The following CDAN1 variants were observed in gnomAD, a reference collection of about 807,000 sequenced individuals.
CDAN1 encodes codanin-1.
Under a neutral mutation model 139.8 loss-of-function variants are expected in CDAN1, and 107 were observed. The observed-to-expected ratio is 0.77, with a 90% CI of 0.65 to 0.90. The LOEUF (loss-of-function observed/expected upper bound fraction) is 0.90, where lower values mean the gene tolerates loss of function less well. CDAN1 is among the 40% of genes least tolerant of loss of function. CDAN1 has a pLI of 0.00. For synonymous variants in CDAN1, 776 were observed against 660.6 expected, an observed-to-expected ratio of 1.17 and a Z score of -2.68; for missense variants, 1,667 against 1,575.7, an observed-to-expected ratio of 1.06 and a Z score of -0.98.
At position 42,729,429 on chromosome 15, in the gene CDAN1, A is replaced by G. The variant is rs2061579540; in HGVS notation, c.2408-67T>C. 1.2e-5 allele frequency: 20 copies of G among 1,608,740 alleles called. No homozygotes were observed. In the South Asian group the frequency reaches 2.0e-4, roughly 16 times the overall value. On this transcript the variant is annotated intron_variant, in intron 17 of 27. Transcript: ENST00000356231. ...CCCCTCCCTAAGTATCATGGACTTT[A>G]CTTGTGGAGTCAAGAGGCTCAGATA...
chr15:42,730,796 G>C (rs750598132), intron 13 of CDAN1, 32 bp from the exon 14 acceptor site: 1 of 1,612,772 alleles, frequency 6.2e-7, no homozygotes, highest in Non-Finnish European at 8.5e-7. Flanking sequence ...CAGGGGGCAG[G>C]TCCCTAGGAA....
intron 6 of CDAN1, 124 bp downstream of exon 6, chr15:42,734,976 T>C: frequency 4.1e-6 from 3 of 735,702 alleles, no homozygotes; most frequent in Non-Finnish European, 7.4e-6. Context: ...TAAAGAAAGA[T>C]TATAGGTAGG....
chr15:42,736,666 G>GC lies in CDAN1; in HGVS notation c.204dup (p.Pro69AlafsTer25). 6.5e-7 allele frequency: 1 copy of GC among 1,542,534 alleles called. No individual in the cohort carries two copies. Among genetic ancestry groups the GC allele is most frequent in the East Asian group, 2.5e-5 (1 of 39,392 alleles). Reference sequence around the variant, plus strand: ...CCCGGGGTCTTGGCGGGGGTCGGGGGCCCCTGCGGGAGGACGCGGCTGCTC... The same window carrying GC: ...CCCGGGGTCTTGGCGGGGGTCGGGGGCCCCCTGCGGGAGGACGCGGCTGCTC... On this transcript the variant is annotated frameshift_variant, in exon 2 of 28. Coordinates refer to ENST00000356231, the MANE Select transcript of CDAN1 (RefSeq NM_138477.4). LOFTEE classifies it high-confidence loss of function.
Position 42,735,859 on chromosome 15 carries a change from A to G in CDAN1, c.773+16T>C. ...CAGCGAGGAAACCGATATCCCCAGG[A>G]GCGGCCAGGCCATACCGCTCCTTCC... is the stretch of plus-strand genomic sequence containing the variant. On this transcript the variant is annotated intron_variant, in intron 3 of 27. Transcript: ENST00000356231. The G allele has an allele frequency of 6.2e-7, 1 of 1,613,808 alleles. No individual in the cohort carries two copies. The highest frequency in any genetic ancestry group is 8.5e-7 in the Non-Finnish European group (1 of 1,179,810).
intron 10 of CDAN1, among the ~76,000 whole-genome samples, chr15:42,732,124 A>T (rs1346379863): frequency 6.6e-6 from 1 of 152,194 alleles, no homozygotes; most frequent in Non-Finnish European, 1.5e-5. Flanking sequence ...AGGCTAGAGG[A>T]GCTGCAGGGC....
intron 21 of CDAN1, 55 bp downstream of exon 21, chr15:42,728,149 G>C (rs377606247): frequency 6.3e-7 from 1 of 1,599,704 alleles, no homozygotes; most frequent in Non-Finnish European, 8.6e-7. Flanking sequence ...AGACTACTCC[G>C]TGCACCTCCC....
At chr15:42,736,160 G>T in intron 2 of CDAN1, 82 bp from the exon 3 acceptor site, 1 of 1,572,616 alleles carries the variant, frequency 6.4e-7, no homozygotes, top group Non-Finnish European at 8.7e-7. Context: ...TAGACCTCTT[G>T]CCAAAAAACC....
In CDAN1 at chr15:42,735,274, A is replaced by T. The variant is rs1459242664; in HGVS notation, c.1044T>A (p.Ser348Arg). The T allele has an allele frequency of 6.2e-7, 1 of 1,608,324 alleles. No homozygotes were observed. Residue 348 changes from serine to arginine, a missense_variant, in exon 5 of 28, where the codon AGT becomes AGA. Physicochemically the swap from Ser to Arg is moderately radical, Grantham distance 110. Around this residue, in one of 3 missense-constraint regions of CDAN1, gnomAD observed 244 missense variants for 309.4 expected, o/e 0.79. Transcript: ENST00000356231. Reference sequence around the variant, plus strand: ...TTGCTCACTGACCTAGGACAGCTGGACTTAGTTCAGGGTCGCTGTCCTTGG... The same window carrying T: ...TTGCTCACTGACCTAGGACAGCTGGTCTTAGTTCAGGGTCGCTGTCCTTGG... ...VTAKDSDPEL[S>R]PAVLDSLESP...
Position 42,724,337 on chromosome 15 carries a change from G to C in CDAN1, c.*154C>G. The C allele has an allele frequency of 1.0e-6, 1 of 998,034 alleles. No homozygotes were observed. Among genetic ancestry groups the C allele is most frequent in the Non-Finnish European group, 1.5e-6 (1 of 666,730 alleles). 61.8% of individuals were successfully genotyped at this position (998,034 alleles called of 1,614,324 possible). The stretch of plus-strand genomic sequence containing the variant: ...CCTTCCTCTAGGATTCGCGTGGTGG[G>C]ATGCCAGGCAGTGACACCCTTAGAG... On this transcript the variant is annotated 3_prime_UTR_variant, in exon 28 of 28. Transcript: ENST00000356231.
Position 42,735,290 on chromosome 15 carries a change from C to T in CDAN1, c.1028G>A (p.Ser343Asn). Residue 343 changes from serine to asparagine, a missense_variant, in exon 5 of 28, where the codon AGC (serine) becomes AAC (asparagine). Around this residue, in one of 3 missense-constraint regions of CDAN1, gnomAD observed 244 missense variants for 309.4 expected, o/e 0.79. Coordinates refer to ENST00000356231, the MANE Select transcript of CDAN1 (RefSeq NM_138477.4). The stretch of plus-strand genomic sequence containing the variant: ...GACAGCTGGACTTAGTTCAGGGTCG[C>T]TGTCCTTGGCAGTCACCATCCTCCG... ...TARRMVTAKD[S>N]DPELSPAVLD... is the part of the protein sequence containing the mutation. The T allele has an allele frequency of 1.9e-6, 3 of 1,609,612 alleles. No homozygotes were observed. Among genetic ancestry groups the T allele is most frequent in the African/African-American group, 1.3e-5 (1 of 74,988 alleles).
chr15:42,732,328 G>A lies in CDAN1; in HGVS notation c.1533+5C>T. Reference sequence around the variant, plus strand: ...TGTGGATTAATCTCTTGCTGGGGCTGTTACCTGGAGTAGTTGTTTTTGGAA... The same window carrying A: ...TGTGGATTAATCTCTTGCTGGGGCTATTACCTGGAGTAGTTGTTTTTGGAA... On this transcript the variant is annotated splice_donor_5th_base_variant and intron_variant, in intron 10 of 27. Transcript: ENST00000356231. The A allele has an allele frequency of 3.7e-6, 6 of 1,613,594 alleles. No homozygotes were observed. The Admixed American group carries it at 5.0e-5, about 13-fold the overall frequency.
rs775547318 is a variant in CDAN1 at position 42,735,523 on chromosome 15, G to C, written c.930C>G (p.Ser310=). 1 of 1,614,102 alleles carries C rather than the reference G, an allele frequency of 6.2e-7. No individual in the cohort carries two copies. Among genetic ancestry groups the C allele is most frequent in the East Asian group, 2.2e-5 (1 of 44,898 alleles). ...QRLELVALVY[S]SCIAENLVPN... The stretch of plus-strand genomic sequence containing the variant: ...GCTCTCACTCACCAGCAATGCACGA[G>C]GAGTAAACAAGGGCTACAAGCTCCA... The change falls in exon 4 of 28, where the codon TCC becomes TCG. Residue 310 remains serine (S), a synonymous_variant. Transcript: ENST00000356231.
chr15:42,726,476 T>G, intron 23 of CDAN1, 59 bp from the exon 24 acceptor site: 1 of 1,403,308 alleles, frequency 7.1e-7, no homozygotes, highest in Non-Finnish European at 9.9e-7. Context: ...CACAGAGAAT[T>G]TGGCTTGGGA....
rs765714878 is a variant in CDAN1 at position 42,729,573 on chromosome 15, T to A, written c.2402A>T (p.Tyr801Phe). ...DQQLLYTCCPYIGELRKLLAS... is the reference protein window; with the variant it reads ...DQQLLYTCCPFIGELRKLLAS... Reference sequence around the variant, plus strand: ...CAGGGAAGACCGGTGCTCACCGATGTAGGGGCAGCAGGTGTAGAGCAGCTG... The same window carrying A: ...CAGGGAAGACCGGTGCTCACCGATGAAGGGGCAGCAGGTGTAGAGCAGCTG... The change falls in exon 17 of 28, where the codon TAC becomes TTC. Residue 801 changes from tyrosine (Y) to phenylalanine (F), a missense_variant. Transcript: ENST00000356231. 6.2e-7 allele frequency: 1 copy of A among 1,614,018 alleles called. No homozygotes were observed. Among genetic ancestry groups the A allele is most frequent in the South Asian group, 1.1e-5 (1 of 91,082 alleles).
At position 42,736,426 on chromosome 15, in the gene CDAN1, C is replaced by T. The variant is rs1191077786; in HGVS notation, c.445G>A (p.Gly149Arg). Residue 149 changes from glycine to arginine, a missense_variant, in exon 2 of 28, where the codon GGG becomes AGG. This residue lies in a region of CDAN1 where 487 missense variants were observed against 422.2 expected (regional missense o/e 1.15). Transcript: ENST00000356231. ...CCAGAGCCCCTAAGCCTCCGGCCCCCGGCTCCGGGCAGGCTCTCCCCGCTG... is the reference window on the plus strand; with the variant it reads ...CCAGAGCCCCTAAGCCTCCGGCCCCTGGCTCCGGGCAGGCTCTCCCCGCTG... ...GVSGESLPGA[G>R]GRRLRGSGSP... The T allele has an allele frequency of 2.5e-6, 4 of 1,601,226 alleles. No individual in the cohort carries two copies. Among genetic ancestry groups the T allele is most frequent in the South Asian group, 2.2e-5 (2 of 90,096 alleles).
chr15:42,726,281 G>GC (rs780892720), intron 24 of CDAN1, 29 bp downstream of exon 24: 13 of 1,588,152 alleles, frequency 8.2e-6, no homozygotes, highest in South Asian at 3.4e-5. Context: ...ACAGAAAAAA[G>GC]CCCCCCGGTG....
At position 42,731,087 on chromosome 15, in the gene CDAN1, G is replaced by A. The variant is rs1321712601; in HGVS notation, c.1861-16C>T. 1 of 1,614,186 alleles carries A rather than the reference G, an allele frequency of 6.2e-7. No homozygotes were observed. On this transcript the variant is annotated splice_polypyrimidine_tract_variant and intron_variant, in intron 12 of 27. Coordinates refer to ENST00000356231, the MANE Select transcript of CDAN1 (RefSeq NM_138477.4). ...TCCGCTCACCCTGCATGGAATCAAGGGAAGTAAAAGGTCCAAGCATGAGGC... is the reference window on the plus strand; with the variant it reads ...TCCGCTCACCCTGCATGGAATCAAGAGAAGTAAAAGGTCCAAGCATGAGGC...
In CDAN1 at chr15:42,729,058, T is replaced by C; in HGVS notation, c.2610A>G (p.Ala870=). Residue 870 remains alanine (A), a synonymous_variant, in exon 19 of 28, where the codon GCA becomes GCG. Coordinates refer to ENST00000356231, the MANE Select transcript of CDAN1 (RefSeq NM_138477.4). ...PSLRRTVEFV[A]ERIGSNCVKH... Reference sequence around the variant, plus strand: ...TGACACAGTTTGATCCAATTCTTTCTGCCACGAACTCTACGGTCCGGCGCA... The same window carrying C: ...TGACACAGTTTGATCCAATTCTTTCCGCCACGAACTCTACGGTCCGGCGCA... The C allele has an allele frequency of 6.2e-7, 1 of 1,614,234 alleles. No individual in the cohort carries two copies. The highest frequency in any genetic ancestry group is 1.3e-5 in the African/African-American group (1 of 75,064).
chr15:42,736,203 C>A, intron 2 of CDAN1, 99 bp downstream of exon 2: 1 of 1,583,030 alleles, frequency 6.3e-7, no homozygotes, highest in Non-Finnish European at 8.6e-7. Flanking sequence ...CCCCAGCCTT[C>A]TACCCATCCT....
Sources: allele counts gnomAD v4.1 joint callset (sites outside exome capture counted in the v4.1 genomes callset), GRCh38; gene constraint gnomAD v4.1.1; regional missense constraint gnomAD v4.1.1; transcripts MANE v1.5; gene names NCBI Gene and HGNC (gene_info 2026-07-23, HGNC 2026-07-21).